Variants in EXD2 observed in about 807,000 individuals in gnomAD.
EXD2 encodes the protein exonuclease 3'-5' domain-containing protein 2.
In EXD2, 40 loss-of-function variants were observed where a neutral mutation model predicts 62.5. The observed-to-expected ratio is 0.64, with a 90% CI of 0.50 to 0.83. The LOEUF (loss-of-function observed/expected upper bound fraction) is 0.83. EXD2 is among the 40% of genes least tolerant of loss of function. EXD2 has a pLI of 0.00. For missense variants in EXD2, 671 were observed against 761.8 expected (o/e 0.88, Z 1.40); for synonymous variants, 239 against 291.9 (o/e 0.82, Z 1.85).
chr14:69,243,845 T>C lies in EXD2; in HGVS notation c.*2745T>C, dbSNP rs1337735234. On this transcript the variant is annotated 3_prime_UTR_variant, in exon 10 of 10. Transcript: ENST00000685843. ...GACAGTGTCACAGCAAGGGCCTCTC[T>C]GCATGCTCCCTGATCATTGTGTTTG... The C allele has an allele frequency of 6.6e-6, 1 of 152,226 alleles. No homozygotes were observed. Among genetic ancestry groups the C allele is most frequent in the Non-Finnish European group, 1.5e-5 (1 of 68,032 alleles). The allele number at this position is 152,226 out of a possible 1,614,324, so 9.4% of individuals were successfully genotyped here. A position where few individuals can be genotyped will look rare whatever the true frequency, so the allele number is the denominator to read the frequency against.
chr14:69,196,789 T>A (rs1181528797), intron 1 of EXD2, among the ~76,000 whole-genome samples: 2 of 125,240 alleles, frequency 1.6e-5, no homozygotes, highest in African/African-American at 8.2e-5. Flanking sequence ...TCCTGGCCAA[T>A]TAATTTTTTT....
intron 1 of EXD2, among the ~76,000 whole-genome samples, chr14:69,197,677 C>G (rs1316803693): frequency 6.6e-6 from 1 of 152,032 alleles, no homozygotes; most frequent in Non-Finnish European, 1.5e-5. Context: ...TGAGAACACG[C>G]AGTATTTGGT....
rs1175376325 is a variant in EXD2, at chr14:69,234,900, G to T, written c.918G>T (p.Gly306=). Residue 306 remains glycine, a synonymous_variant, in exon 6 of 10, where the codon GGG becomes GGT. Transcript: ENST00000685843. ...GMSRLGEEVN[G]EATESQQKPR... Reference sequence around the variant, plus strand: ...GCAGATTGGGAGAAGAGGTTAATGGGGAAGCAACAGAATCTCAGCAGAAGC... The same window carrying T: ...GCAGATTGGGAGAAGAGGTTAATGGTGAAGCAACAGAATCTCAGCAGAAGC... 1.9e-6 allele frequency: 3 copies of T among 1,614,090 alleles called. No homozygotes were observed. The African/African-American group carries it at 4.0e-5, about 22-fold the overall frequency.
At chr14:69,204,312 A>G (rs538006116) in intron 2 of EXD2, among the ~76,000 whole-genome samples, 57 of 152,326 alleles carry the variant, frequency 3.7e-4, no homozygotes, top group African/African-American at 1.3e-3. Context: ...GCTCACACCT[A>G]TAACCCGAGC....
At chr14:69,224,839 T>C (rs1215870146) in intron 3 of EXD2, among the ~76,000 whole-genome samples, 1 of 151,866 alleles carries the variant, frequency 6.6e-6, no homozygotes, top group Non-Finnish European at 1.5e-5. Context: ...ATTAGCTGGG[T>C]GTGGTAGCGG....
rs751161639 is a variant in EXD2 at position 69,230,599 on chromosome 14, G to C, written c.717+1G>C. On this transcript the variant is annotated splice_donor_variant, in intron 5 of 9. Coordinates refer to ENST00000685843, the MANE Select transcript of EXD2 (RefSeq NM_001193360.2). LOFTEE classifies it high-confidence loss of function. The stretch of plus-strand genomic sequence containing the variant: ...TGCTGAGACTCTCACAGAGGACCAG[G>C]TACTTCTTATCAGAGTAGTTGAAGA... The C allele has an allele frequency of 4.4e-6, 7 of 1,605,510 alleles. No individual in the cohort carries two copies. Among genetic ancestry groups the C allele is most frequent in the Non-Finnish European group, 5.9e-6 (7 of 1,177,552 alleles).
Position 69,209,545 on chromosome 14 carries a change from G to C in EXD2, c.75G>C (p.Trp25Cys), listed in dbSNP as rs2042733230. The C allele has an allele frequency of 1.3e-6, 2 of 1,550,490 alleles. No individual in the cohort carries two copies. Among genetic ancestry groups the C allele is most frequent in the African/African-American group, 1.4e-5 (1 of 73,018 alleles). The change falls in exon 3 of 10, where the codon TGG becomes TGC. Residue 25 changes from tryptophan (W) to cysteine (C), a missense_variant. Coordinates refer to ENST00000685843, the MANE Select transcript of EXD2 (RefSeq NM_001193360.2). ...TGGCTGTAGGGGGGTTTGTCCTCTG[G>C]AAAGGCATCCAGCGCCGCCGAAGGA... ...LGVAVGGFVL[W>C]KGIQRRRRSK...
chr14:69,226,330 T>C (rs1447400332), intron 3 of EXD2, among the ~76,000 whole-genome samples: 1 of 152,120 alleles, frequency 6.6e-6, no homozygotes, highest in Non-Finnish European at 1.5e-5. Flanking sequence ...GACAATGAGA[T>C]CAAACTGGCA....
intron 3 of EXD2, chr14:69,214,043 A>G (rs938764816): frequency 1.3e-5 from 2 of 152,110 alleles, no homozygotes; most frequent in Non-Finnish European, 2.9e-5. Context: ...TTTGATTTTA[A>G]TCTTAAAGAG....
At position 69,243,041 on chromosome 14, in the gene EXD2, C is replaced by T. The variant is rs967794631; in HGVS notation, c.*1941C>T. 1 of 152,140 alleles carries T rather than the reference C, an allele frequency of 6.6e-6. No individual in the cohort carries two copies. Among genetic ancestry groups the T allele is most frequent in the Non-Finnish European group, 1.5e-5 (1 of 68,032 alleles). The allele number at this position is 152,140 out of a possible 1,614,324, so 9.4% of individuals were successfully genotyped here. ...GGAAAGGGTTTTCCCATGGAGCTTT[C>T]TGTGAGGCGCAGTAAAATAGAGCCA... On this transcript the variant is annotated 3_prime_UTR_variant, in exon 10 of 10. Coordinates refer to ENST00000685843, the MANE Select transcript of EXD2 (RefSeq NM_001193360.2).
chr14:69,240,448 A>C (rs754116428), intron 9 of EXD2, among the ~76,000 whole-genome samples: 3 of 152,198 alleles, frequency 2.0e-5, no homozygotes, highest in Non-Finnish European at 4.4e-5. Flanking sequence ...TCAGTTATTA[A>C]ATTGTGTTGT....
At chr14:69,229,416 TA>T (rs2043489393) in intron 4 of EXD2, among the ~76,000 whole-genome samples, 1 of 152,332 alleles carries the variant, frequency 6.6e-6, no homozygotes, top group Non-Finnish European at 1.5e-5. Context: ...ATATTTAATG[TA>T]AAAATCTGTA....
chr14:69,220,249 C>G, intron 3 of EXD2, among the ~76,000 whole-genome samples: 1 of 75,348 alleles, frequency 1.3e-5, no homozygotes, highest in African/African-American at 5.3e-5. Context: ...TGTTTTGTCT[C>G]TCTGTTTTTT....
At chr14:69,201,182 GTTTT>G (rs1446575664) in intron 1 of EXD2, among the ~76,000 whole-genome samples, 1 of 151,154 alleles carries the variant, frequency 6.6e-6, no homozygotes, top group East Asian at 1.9e-4. Flanking sequence ...TCTTACGTTG[GTTTT>G]TTTTGTTTGT....
At chr14:69,194,873 A>T (rs2042147808) in intron 1 of EXD2, among the ~76,000 whole-genome samples, 1 of 152,202 alleles carries the variant, frequency 6.6e-6, no homozygotes, top group Non-Finnish European at 1.5e-5. Context: ...GGTTATTATT[A>T]GTTTCTTTTC....
intron 3 of EXD2, among the ~76,000 whole-genome samples, chr14:69,225,469 AT>A (rs1215951767): frequency 6.6e-6 from 1 of 152,158 alleles, no homozygotes; most frequent in Non-Finnish European, 1.5e-5. Context: ...ATCTGTAATG[AT>A]TGTTGTTATT....
chr14:69,237,039 C>A lies in EXD2; in HGVS notation c.1292+497C>A, dbSNP rs77133736. ...GCTTTCTCCCTGGCTTCTGTGGAGT[C>A]ACTCACTTTCCTCCTTTCTCCCCTG... On this transcript the variant is annotated intron_variant, in intron 8 of 9. Coordinates refer to ENST00000685843, the MANE Select transcript of EXD2 (RefSeq NM_001193360.2). Among the ~76,000 whole-genome samples the A allele has an allele frequency of 1.4e-3, 207 of 152,356 alleles. 1 individual carries two copies. In the East Asian group the frequency reaches 0.037, roughly 27 times the overall value.
At chr14:69,198,583 T>A (rs2042286434) in intron 1 of EXD2, among the ~76,000 whole-genome samples, 1 of 152,236 alleles carries the variant, frequency 6.6e-6, no homozygotes, top group African/African-American at 2.4e-5. Flanking sequence ...ATTTCCTTAC[T>A]TGCACATTAT....
intron 3 of EXD2, among the ~76,000 whole-genome samples, chr14:69,216,035 T>A (rs1252677627): frequency 6.6e-6 from 1 of 152,192 alleles, no homozygotes; most frequent in Admixed American, 6.5e-5. Context: ...ATGAACATAT[T>A]CTCCCCATGT....
Sources: allele counts gnomAD v4.1 joint callset (sites outside exome capture counted in the v4.1 genomes callset), GRCh38; gene constraint gnomAD v4.1.1; transcripts MANE v1.5; gene names NCBI Gene and HGNC (gene_info 2026-07-23, HGNC 2026-07-21).